Variants in MAGI2 observed in about 807,000 individuals in gnomAD.
The protein encoded by MAGI2 is membrane-associated guanylate kinase, WW and PDZ domain-containing protein 2.
In MAGI2, 35 loss-of-function variants were observed where a neutral mutation model predicts 133.3. The ratio of observed to expected loss-of-function variants is 0.26; its 90% confidence interval spans 0.20 to 0.35. The LOEUF (loss-of-function observed/expected upper bound fraction) is 0.35. Ranked by LOEUF, MAGI2 falls within the 10% of genes least tolerant of loss-of-function variation. MAGI2 has a pLI of 1.00. For synonymous variants in MAGI2, 729 were observed against 710.6 expected, an observed-to-expected ratio of 1.03 and a Z score of -0.41; for missense variants, 1,636 against 1,863.4, an observed-to-expected ratio of 0.88 and a Z score of 2.25.
At chr7:78,326,946 C>T (rs999783077) in intron 9 of MAGI2, among the ~76,000 whole-genome samples, 1 of 152,080 alleles carries the variant, frequency 6.6e-6, no homozygotes, top group African/African-American at 2.4e-5. Flanking sequence ...CTCTCTTTAA[C>T]TGGTTGCAAT....
rs531890012 is a variant in MAGI2, at chr7:78,827,084, C to A, written c.418+180006G>T. ...TAGATACAGATACATATAGATACAG[C>A]TTCATATAGATACATTAAAATATTT... is the stretch of plus-strand genomic sequence containing the variant. On this transcript the variant is annotated intron_variant, in intron 2 of 21. Coordinates refer to ENST00000354212, the MANE Select transcript of MAGI2 (RefSeq NM_012301.4). 5.3e-4 allele frequency among the ~76,000 whole-genome samples: 81 copies of A among 152,084 alleles called. 1 individual carries two copies. The highest frequency in any genetic ancestry group is 1.9e-3 in the African/African-American group (78 of 41,506).
intron 3 of MAGI2, among the ~76,000 whole-genome samples, chr7:78,529,831 T>G (rs907858613): frequency 1.3e-5 from 2 of 151,624 alleles, no homozygotes; most frequent in African/African-American, 2.4e-5. Flanking sequence ...ATCTTAAAAT[T>G]TTCTAGTTAG....
Position 79,344,755 on chromosome 7 carries a change from C to T in MAGI2, c.301+108265G>A, listed in dbSNP as rs377663101. The stretch of plus-strand genomic sequence containing the variant: ...GTACCTTGAGGGTAACAAGAAGCCA[C>T]GGAAAGTTATTAGGGAACAGGGTAA... On this transcript the variant is annotated intron_variant, in intron 1 of 21. Transcript: ENST00000354212. Among the ~76,000 whole-genome samples the T allele has an allele frequency of 1.1e-4, 16 of 152,092 alleles. No homozygotes were observed. The East Asian group carries it at 1.2e-3, about 11-fold the overall frequency.
At chr7:78,809,307 A>G (rs981149191) in intron 2 of MAGI2, among the ~76,000 whole-genome samples, 3 of 152,236 alleles carry the variant, frequency 2.0e-5, no homozygotes, top group Non-Finnish European at 4.4e-5. Flanking sequence ...ATTAACACAG[A>G]GAATACAATG....
chr7:78,132,231 A>T (rs562197327), intron 18 of MAGI2, among the ~76,000 whole-genome samples: 19 of 152,280 alleles, frequency 1.2e-4, no homozygotes, highest in African/African-American at 4.1e-4. Context: ...CCACATCATC[A>T]TCATTCTCTG....
intron 2 of MAGI2, among the ~76,000 whole-genome samples, chr7:78,849,563 G>C (rs1792951177): frequency 6.6e-6 from 1 of 152,082 alleles, no homozygotes; most frequent in Non-Finnish European, 1.5e-5. Flanking sequence ...AAAATGGTTA[G>C]AGTGAAAGGC....
At chr7:78,089,601 C>T (rs1444348261) in intron 20 of MAGI2, among the ~76,000 whole-genome samples, 1 of 152,160 alleles carries the variant, frequency 6.6e-6, no homozygotes, top group Admixed American at 6.5e-5. Flanking sequence ...CGCCTCTATA[C>T]CATTATAGAA....
At chr7:79,377,854 T>C (rs898023738) in intron 1 of MAGI2, among the ~76,000 whole-genome samples, 15 of 151,900 alleles carry the variant, frequency 9.9e-5, no homozygotes, top group African/African-American at 3.1e-4. Flanking sequence ...TAATAGTATA[T>C]GTAGGTCGAA....
chr7:79,098,121 C>CA (rs970931737), intron 1 of MAGI2, among the ~76,000 whole-genome samples: 29 of 150,648 alleles, frequency 1.9e-4, no homozygotes, highest in East Asian at 9.8e-4. Flanking sequence ...GACCCTGTTT[C>CA]AAAAAAAAAT....
chr7:78,072,980 G>C, intron 21 of MAGI2: 1 of 398,558 alleles, frequency 2.5e-6, no homozygotes. Flanking sequence ...TCTTAAAGAA[G>C]AATAAACAAA....
At chr7:78,335,341 G>T (rs191235542) in intron 9 of MAGI2, among the ~76,000 whole-genome samples, 1 of 152,292 alleles carries the variant, frequency 6.6e-6, no homozygotes, top group East Asian at 1.9e-4. Flanking sequence ...ACCCAAGTCA[G>T]AGAATGGGAG....
intron 9 of MAGI2, among the ~76,000 whole-genome samples, chr7:78,286,479 G>A (rs1042252494): frequency 6.6e-6 from 1 of 152,104 alleles, no homozygotes; most frequent in Non-Finnish European, 1.5e-5. Flanking sequence ...ATTGATACGT[G>A]ACCTTTGTTT....
rs180724607 is a variant in MAGI2 at position 79,181,555 on chromosome 7, C to T, written c.302-174349G>A. Among the ~76,000 whole-genome samples the T allele has an allele frequency of 4.0e-4, 61 of 152,054 alleles. 1 individual carries two copies. The highest frequency in any genetic ancestry group is 1.2e-3 in the African/African-American group (50 of 41,406). On this transcript the variant is annotated intron_variant, in intron 1 of 21. Coordinates refer to ENST00000354212, the MANE Select transcript of MAGI2 (RefSeq NM_012301.4). ...AAACTATTTTTTCCCCCTAAACCTC[C>T]GGGCCTGTGATGGGAGGGGCTGCTG...
intron 10 of MAGI2, among the ~76,000 whole-genome samples, chr7:78,233,387 C>T (rs771529725): frequency 1.3e-5 from 2 of 152,102 alleles, no homozygotes. Flanking sequence ...GAGAAATATT[C>T]ATTCGACAAA....
intron 1 of MAGI2, among the ~76,000 whole-genome samples, chr7:79,447,429 G>C (rs897224682): frequency 2.0e-5 from 3 of 152,094 alleles, no homozygotes; most frequent in African/African-American, 7.2e-5. Flanking sequence ...TATATAGCCA[G>C]ATTATAGCTA....
chr7:78,275,786 G>A (rs774591905), intron 9 of MAGI2, among the ~76,000 whole-genome samples: 6 of 152,122 alleles, frequency 3.9e-5, no homozygotes, highest in Admixed American at 1.3e-4. Flanking sequence ...ACTGACAGTC[G>A]GTTGGATAAT....
intron 1 of MAGI2, among the ~76,000 whole-genome samples, chr7:79,021,884 A>G (rs1809364444): frequency 6.6e-6 from 1 of 152,168 alleles, no homozygotes. Flanking sequence ...AAGAATCCCA[A>G]TATGTCAAGG....
chr7:78,415,108 G>T (rs1026887096), intron 6 of MAGI2, among the ~76,000 whole-genome samples: 10 of 151,980 alleles, frequency 6.6e-5, no homozygotes, highest in Non-Finnish European at 4.4e-5. Context: ...ACACATCCAA[G>T]AATTATTTTA....
intron 1 of MAGI2, among the ~76,000 whole-genome samples, chr7:79,359,394 G>T (rs542838096): frequency 1.4e-4 from 22 of 152,014 alleles, no homozygotes; most frequent in African/African-American, 5.3e-4. Context: ...AGTCTCAGAA[G>T]GACAGAAGAG....
Sources: allele counts gnomAD v4.1 joint callset (sites outside exome capture counted in the v4.1 genomes callset), GRCh38; gene constraint gnomAD v4.1.1; transcripts MANE v1.5; gene names NCBI Gene and HGNC (gene_info 2026-07-23, HGNC 2026-07-21).